BEND5: variants seen among roughly 807,000 people sequenced by gnomAD.
BEND5 encodes the protein BEN domain-containing protein 5.
A neutral mutation model predicts 43.9 loss-of-function variants in BEND5; 22 were observed. The observed-to-expected ratio is 0.50, with a 90% confidence interval of 0.36 to 0.72. The LOEUF (loss-of-function observed/expected upper bound fraction) is 0.72, where lower values mean the gene tolerates loss of function less well. BEND5 is among the 30% of genes least tolerant of loss of function. The pLI, the probability that BEND5 is intolerant of heterozygous loss-of-function variation, is 0.00. For synonymous variants in BEND5, 228 were observed against 225.9 expected (o/e 1.01, Z -0.08); for missense variants, 428 against 550.6 (o/e 0.78, Z 2.23).
Position 48,758,973 on chromosome 1 carries a change from A to T in BEND5, c.672T>A (p.Leu224=), listed in dbSNP as rs780221438. 2 of 1,610,708 alleles carry T rather than the reference A, an allele frequency of 1.2e-6. No individual in the cohort carries two copies. Among genetic ancestry groups the T allele is most frequent in the Non-Finnish European group, 1.7e-6 (2 of 1,178,624 alleles). ...CACGGAGCTCCTTCATTTCAGACACAAGTGCCCCGTACTCCTTGAGCTTCT... is the reference window on the plus strand; with the variant it reads ...CACGGAGCTCCTTCATTTCAGACACTAGTGCCCCGTACTCCTTGAGCTTCT... The part of the protein sequence containing the change: ...QAKKLKEYGA[L]VSEMKELRDL... The change falls in exon 3 of 6, where the codon CTT becomes CTA. Residue 224 remains leucine (L), a synonymous_variant. Coordinates refer to ENST00000371833, the MANE Select transcript of BEND5 (RefSeq NM_024603.4).
At chr1:48,767,435 T>A (rs992333209) in intron 1 of BEND5, among the ~76,000 whole-genome samples, 1 of 152,088 alleles carries the variant, frequency 6.6e-6, no homozygotes, top group Non-Finnish European at 1.5e-5. Flanking sequence ...TGAGACATGA[T>A]GAAAGAGATG....
At chr1:48,730,691 T>C (rs1647971438) in intron 5 of BEND5, among the ~76,000 whole-genome samples, 1 of 152,218 alleles carries the variant, frequency 6.6e-6, no homozygotes, top group African/African-American at 2.4e-5. Flanking sequence ...ATTAAAAGGC[T>C]TTCGTTAGAC....
At chr1:48,731,485 T>C (rs897621445) in intron 5 of BEND5, among the ~76,000 whole-genome samples, 1 of 152,128 alleles carries the variant, frequency 6.6e-6, no homozygotes, top group Admixed American at 6.5e-5. Flanking sequence ...AGAAGAGAAC[T>C]GAGGTAGGCA....
chr1:48,761,365 T>C lies in BEND5; in HGVS notation c.332A>G (p.Glu111Gly), dbSNP rs934417747. The C allele has an allele frequency of 3.2e-6, 5 of 1,551,954 alleles. No homozygotes were observed. Among genetic ancestry groups the C allele is most frequent in the Non-Finnish European group, 4.4e-6 (5 of 1,147,026 alleles). ...EEDGEVKDYG[E>G]EDLQLRHIKR... Reference sequence around the variant, plus strand: ...GATGTGTCTAAGCTGTAAATCTTCTTCCCCATAATCTTTAACCTCTCCATC... The same window carrying C: ...GATGTGTCTAAGCTGTAAATCTTCTCCCCCATAATCTTTAACCTCTCCATC... Residue 111 changes from glutamate (E) to glycine (G), a missense_variant, in exon 2 of 6, where the codon GAA (glutamate) becomes GGA (glycine). Coordinates refer to ENST00000371833, the MANE Select transcript of BEND5 (RefSeq NM_024603.4).
At chr1:48,729,328 A>C (rs892482349) in intron 5 of BEND5, among the ~76,000 whole-genome samples, 4 of 152,218 alleles carry the variant, frequency 2.6e-5, no homozygotes, top group Non-Finnish European at 5.9e-5. Flanking sequence ...GGGAACACAA[A>C]TATTCTGGAT....
intron 1 of BEND5, among the ~76,000 whole-genome samples, chr1:48,769,651 A>G (rs1644713903): frequency 6.6e-6 from 1 of 152,030 alleles, no homozygotes. Context: ...CAGTACCCAC[A>G]ACTAAGCAAG....
chr1:48,766,039 C>T (rs1169362156), intron 1 of BEND5, among the ~76,000 whole-genome samples: 1 of 152,192 alleles, frequency 6.6e-6, no homozygotes, highest in African/African-American at 2.4e-5. Context: ...AAAACACTCA[C>T]TTGCACACAC....
rs921675686 is a variant in BEND5, at chr1:48,733,997, T to C, written c.1108+2242A>G. ...TTATCTGAAGGCACCCAGGACCTCC[T>C]GAGTCACGTTCCAACAAACATAGCA... is the stretch of plus-strand genomic sequence containing the variant. On this transcript the variant is annotated intron_variant, in intron 5 of 5. Transcript: ENST00000371833. 1.1e-4 allele frequency among the ~76,000 whole-genome samples: 17 copies of C among 152,186 alleles called. 2 individuals are homozygous for C. The highest frequency in any genetic ancestry group is 1.1e-3 in the Admixed American group (17 of 15,286).
intron 2 of BEND5, chr1:48,761,057 A>G (rs544202794): frequency 3.8e-5 from 12 of 314,298 alleles, no homozygotes; most frequent in Non-Finnish European, 6.5e-5. Context: ...TGGGCCAAGG[A>G]GAAACACACC....
At chr1:48,738,462 C>T (rs545587570) in intron 4 of BEND5, among the ~76,000 whole-genome samples, 11 of 152,314 alleles carry the variant, frequency 7.2e-5, no homozygotes, top group Admixed American at 3.3e-4. Flanking sequence ...GCCTTTTCTC[C>T]GCAGTTCGAA....
chr1:48,773,248 C>T (rs141366297), intron 1 of BEND5, among the ~76,000 whole-genome samples: 1 of 151,606 alleles, frequency 6.6e-6, no homozygotes, highest in Admixed American at 6.6e-5. Context: ...TTTGAGCCTC[C>T]TAAAAAAAAA....
rs1442406083 is a variant in BEND5 at position 48,728,140 on chromosome 1, C to T, written c.1109-97G>A. The stretch of plus-strand genomic sequence containing the variant: ...AGAAAATGTACCTCCCAACATACTT[C>T]CCAAATACCAGCTTATGTATCTGGC... On this transcript the variant is annotated intron_variant, in intron 5 of 5. Coordinates refer to ENST00000371833, the MANE Select transcript of BEND5 (RefSeq NM_024603.4). The T allele has an allele frequency of 6.3e-6, 7 of 1,111,824 alleles. No homozygotes were observed. The East Asian group carries it at 1.5e-4, about 24-fold the overall frequency. The allele number at this position is 1,111,824 out of a possible 1,614,324, so 68.9% of individuals were successfully genotyped here.
At chr1:48,765,295 C>G (rs927065493) in intron 1 of BEND5, among the ~76,000 whole-genome samples, 5 of 152,170 alleles carry the variant, frequency 3.3e-5, no homozygotes, top group Non-Finnish European at 7.3e-5. Flanking sequence ...AAACAGGCTA[C>G]ACCAATGAGT....
rs76381601 is a variant in BEND5 at position 48,759,416 on chromosome 1, A to G, written c.361-132T>C. 13,744 of 1,380,482 alleles carry G rather than the reference A, an allele frequency of 1.0e-2. 89 individuals carry two copies. Among genetic ancestry groups the G allele is most frequent in the Non-Finnish European group, 0.012 (12,475 of 1,052,720 alleles). The allele number at this position is 1,380,482 out of a possible 1,614,324, so 85.5% of individuals were successfully genotyped here. A position where few individuals can be genotyped will look rare whatever the true frequency, so the allele number is the denominator to read the frequency against. On this transcript the variant is annotated intron_variant, in intron 2 of 5. Coordinates refer to ENST00000371833, the MANE Select transcript of BEND5 (RefSeq NM_024603.4). ...TCAGTGCTTGGAGAAACCTGTGCAA[A>G]CACTTAGTCAAAGCCCTTCATTTTA...
Position 48,736,977 on chromosome 1 carries a change from G to A in BEND5, c.895-525C>T, listed in dbSNP as rs1350856539. On this transcript the variant is annotated intron_variant, in intron 4 of 5. Coordinates refer to ENST00000371833, the MANE Select transcript of BEND5 (RefSeq NM_024603.4). This position sits in a 1 kb window ranked among gnomAD's most constrained non-coding sequence, Gnocchi z 4.0. ...CTTGGCTGCACACAGGGGTCACCTA[G>A]GGAGCTGTAAAAATCACCAGTGACA... 6.6e-6 allele frequency among the ~76,000 whole-genome samples: 1 copy of A among 152,084 alleles called. No homozygotes were observed. Among genetic ancestry groups the A allele is most frequent in the Admixed American group, 6.5e-5 (1 of 15,270 alleles).
At chr1:48,769,236 T>C (rs942001498) in intron 1 of BEND5, among the ~76,000 whole-genome samples, 1 of 152,098 alleles carries the variant, frequency 6.6e-6, no homozygotes, top group African/African-American at 2.4e-5. Context: ...TTTGAAGAAA[T>C]GCCCTACTGA....
chr1:48,734,537 C>T (rs1254020492), intron 5 of BEND5, among the ~76,000 whole-genome samples: 2 of 152,204 alleles, frequency 1.3e-5, no homozygotes, highest in Admixed American at 6.5e-5. Flanking sequence ...CTTCCCAGCC[C>T]TACAAGACAG....
At chr1:48,747,247 T>G (rs1225857833) in intron 3 of BEND5, among the ~76,000 whole-genome samples, 1 of 152,164 alleles carries the variant, frequency 6.6e-6, no homozygotes, top group Non-Finnish European at 1.5e-5. Context: ...TAGGAATTTT[T>G]TTTTAAAAAA....
In BEND5 at chr1:48,776,780, C is replaced by G; in HGVS notation, c.52G>C (p.Val18Leu). Residue 18 changes from valine to leucine, a missense_variant, in exon 1 of 6, where the codon GTG becomes CTG. This residue lies in a region of BEND5 where 107 missense variants were observed against 98.8 expected (regional missense o/e 1.08). Transcript: ENST00000371833. ...LEDNVCYALP[V>L]SCVRDFSPRS... ...GGGCTGAAGTCGCGCACGCACGACACGGGCAGCGCGTAGCAGACGTTGTCC... is the reference window on the plus strand; with the variant it reads ...GGGCTGAAGTCGCGCACGCACGACAGGGGCAGCGCGTAGCAGACGTTGTCC... 6.6e-7 allele frequency: 1 copy of G among 1,523,692 alleles called. No individual in the cohort carries two copies. Among genetic ancestry groups the G allele is most frequent in the Non-Finnish European group, 8.8e-7 (1 of 1,136,184 alleles). The allele number at this position is 1,523,692 out of a possible 1,614,324, so 94.4% of individuals were successfully genotyped here.
Sources: gnomAD v4.1 joint callset for allele counts (sites outside exome capture counted in the v4.1 genomes callset) on GRCh38, gnomAD v4.1.1 for gene constraint, gnomAD v4.1.1 regional missense constraint, Gnocchi (gnomAD v3.1) non-coding constraint, MANE v1.5 for transcripts, NCBI Gene and HGNC (gene_info 2026-07-23, HGNC 2026-07-21) for gene names.